TUT4: variants seen among roughly 807,000 people sequenced by gnomAD.
The protein encoded by TUT4 is terminal uridylyltransferase 4.
A neutral mutation model predicts 192.2 loss-of-function variants in TUT4; 36 were observed. The ratio of observed to expected loss-of-function variants is 0.19; its 90% CI spans 0.14 to 0.25. TUT4 has a LOEUF of 0.25. Ranked by LOEUF, TUT4 falls within the 10% of genes least tolerant of loss-of-function variation. The probability of loss-of-function intolerance (pLI) is 1.00; values close to 1 mark genes in which losing one functional copy is unlikely to be tolerated. For missense variants in TUT4, 1,493 were observed against 1,957.2 expected (o/e 0.76, Z 4.47); for synonymous variants, 618 against 666.0 (o/e 0.93, Z 1.11).
intron 16 of TUT4, chr1:52,462,246 T>TGCTATCTCG (rs1662800842): frequency 6.8e-6 from 1 of 147,026 alleles, no homozygotes; most frequent in African/African-American, 2.6e-5. Flanking sequence ...AGTGCAGTGG[T>TGCTATCTCG]GCTATCTCGG....
intron 15 of TUT4, 112 bp downstream of exon 15, chr1:52,468,069 C>A: frequency 1.3e-6 from 1 of 760,826 alleles, no homozygotes; most frequent in Non-Finnish European, 2.1e-6. Context: ...GTATTCCCAG[C>A]AACTAGAACA....
At chr1:52,463,356 A>G (rs1344568552) in intron 16 of TUT4, 1 of 997,010 alleles carries the variant, frequency 1.0e-6, no homozygotes, top group Non-Finnish European at 1.2e-6. Flanking sequence ...AGGAGAACAA[A>G]TAAAATACTT....
At position 52,543,544 on chromosome 1, in the gene TUT4, C is replaced by T. The variant is rs188054374; in HGVS notation, c.-94+9387G>A. Among the ~76,000 whole-genome samples the T allele has an allele frequency of 1.5e-3, 224 of 147,520 alleles. 2 individuals are homozygous for T. The highest frequency in any genetic ancestry group is 5.1e-3 in the African/African-American group (201 of 39,686). On this transcript the variant is annotated intron_variant, in intron 1 of 29. Transcript: ENST00000257177. ...TCTCTCCCAGACTGGAGTGCAATGG[C>T]GCAATCTCAGCTCACTGCAACCTCC... is the stretch of plus-strand genomic sequence containing the variant.
rs1055059863 is a variant in TUT4, at chr1:52,444,351, C to T, written c.3822+1436G>A. Among the ~76,000 whole-genome samples the T allele has an allele frequency of 3.9e-5, 6 of 152,080 alleles. No individual in the cohort carries two copies. The South Asian group carries it at 1.2e-3, about 32-fold the overall frequency. ...TTTCTCCATTTTAATTATTATTACC[C>T]CATAAGAGGCTAGAAAATAAAAGTA... On this transcript the variant is annotated intron_variant, in intron 24 of 29. Coordinates refer to ENST00000257177, the MANE Select transcript of TUT4 (RefSeq NM_001009881.3).
At chr1:52,542,261 A>G (rs1488851089) in intron 1 of TUT4, among the ~76,000 whole-genome samples, 2 of 152,208 alleles carry the variant, frequency 1.3e-5, no homozygotes, top group African/African-American at 4.8e-5. Context: ...TGTTCTGGAA[A>G]TGGATGGTGG....
Position 52,471,936 on chromosome 1 carries a change from G to A in TUT4, c.2878+16C>T, listed in dbSNP as rs772809578. 4 of 1,603,042 alleles carry A rather than the reference G, an allele frequency of 2.5e-6. No individual in the cohort carries two copies. The highest frequency in any genetic ancestry group is 1.7e-4 in the Middle Eastern group (1 of 6,020). On this transcript the variant is annotated intron_variant, in intron 14 of 29. Transcript: ENST00000257177. ...AAGGAATCTAGTCCCAATAGTTGTAGTAATGAAAGACTTACCAAAACATCT... is the reference window on the plus strand; with the variant it reads ...AAGGAATCTAGTCCCAATAGTTGTAATAATGAAAGACTTACCAAAACATCT...
At chr1:52,499,894 A>C (rs1673606358) in intron 4 of TUT4, among the ~76,000 whole-genome samples, 2 of 151,802 alleles carry the variant, frequency 1.3e-5, no homozygotes, top group African/African-American at 4.8e-5. Flanking sequence ...AACATGATGA[A>C]ACCCCGTCTC....
intron 1 of TUT4, among the ~76,000 whole-genome samples, chr1:52,528,582 TAAAC>T (rs1197204570): frequency 2.0e-5 from 3 of 152,108 alleles, no homozygotes; most frequent in Non-Finnish European, 4.4e-5. Flanking sequence ...GATCCGTTTC[TAAAC>T]AAACATTAAT....
chr1:52,438,123 A>T, intron 25 of TUT4, 97 bp downstream of exon 25: 2 of 965,542 alleles, frequency 2.1e-6, no homozygotes, highest in East Asian at 2.5e-5. Flanking sequence ...TAAATACCCT[A>T]AACTTTCTCA....
chr1:52,436,778 C>T lies in TUT4; in HGVS notation c.4139G>A (p.Arg1380His), dbSNP rs1457233587. 3 of 1,613,620 alleles carry T rather than the reference C, an allele frequency of 1.9e-6. No individual in the cohort carries two copies. The highest frequency in any genetic ancestry group is 2.2e-5 in the East Asian group (1 of 44,876). The change falls in exon 26 of 30, where the codon CGT (arginine) becomes CAT (histidine). Residue 1380 changes from arginine to histidine, a missense_variant. By Grantham distance (29) the Arg-to-His change is conservative (BLOSUM62 0). Around this residue, in one of 7 missense-constraint regions of TUT4, gnomAD observed 351 missense variants for 397.8 expected, o/e 0.88. Transcript: ENST00000257177. ...RRECPEVKLA[R>H]QRNSSVAAAQ... is the part of the protein sequence containing the mutation. ...ACCTGCCACACTGCTATTCCTCTGA[C>T]GGGCCAGCTTGACCTCTGGGCACTC...
intron 6 of TUT4, 149 bp downstream of exon 6, chr1:52,495,278 T>C (rs1030935217): frequency 2.3e-5 from 10 of 431,918 alleles, no homozygotes; most frequent in African/African-American, 1.4e-4. Context: ...TGAAATCTAA[T>C]AGTAATTTCC....
chr1:52,470,195 A>C (rs1035345876), intron 14 of TUT4, among the ~76,000 whole-genome samples: 1 of 152,178 alleles, frequency 6.6e-6, no homozygotes, highest in Admixed American at 6.5e-5. Context: ...ACAAACAAAA[A>C]AAACCACACA....
intron 2 of TUT4, among the ~76,000 whole-genome samples, chr1:52,517,064 T>C (rs574940356): frequency 3.3e-5 from 5 of 152,344 alleles, no homozygotes; most frequent in African/African-American, 1.2e-4. Flanking sequence ...TTACATATGC[T>C]ACTCCCTTCT....
At chr1:52,509,844 T>G (rs1046975691) in intron 3 of TUT4, 132 bp from the exon 4 acceptor site, 4 of 690,030 alleles carry the variant, frequency 5.8e-6, no homozygotes, top group African/African-American at 5.5e-5. Context: ...TATCCTTTCC[T>G]TCTTCTAAAG....
At chr1:52,460,800 C>T (rs1485057545) in intron 19 of TUT4, among the ~76,000 whole-genome samples, 1 of 152,140 alleles carries the variant, frequency 6.6e-6, no homozygotes, top group East Asian at 1.9e-4. Flanking sequence ...AAAAACTTAT[C>T]ACTAAACTCA....
intron 20 of TUT4, among the ~76,000 whole-genome samples, chr1:52,448,542 T>C (rs891816571): frequency 6.8e-6 from 1 of 146,650 alleles, no homozygotes; most frequent in Non-Finnish European, 1.5e-5. Context: ...TGAGCTGAGA[T>C]TGTGCCACTA....
In TUT4 at chr1:52,477,754, T is replaced by C. The variant is rs1458058221; in HGVS notation, c.1977A>G (p.Leu659=). The C allele has an allele frequency of 2.5e-6, 4 of 1,611,184 alleles. No homozygotes were observed. In the African/African-American group the frequency reaches 5.4e-5, roughly 22 times the overall value. The change falls in exon 12 of 30, where the codon TTA becomes TTG. Residue 659 remains leucine (L), a synonymous_variant. Transcript: ENST00000257177. ...YVICVRIQDI[L]TRENKNWPKR... ...TAGGCCAGTTTTTATTTTCTCTTGT[T>C]AAAATATCTTGTATCCGTACACATA...
At chr1:52,476,788 C>T (rs529416183) in intron 12 of TUT4, among the ~76,000 whole-genome samples, 29 of 152,140 alleles carry the variant, frequency 1.9e-4, no homozygotes, top group Non-Finnish European at 4.0e-4. Flanking sequence ...GTTGAACTCA[C>T]AGTAGAGAAG....
In TUT4 at chr1:52,498,526, G is replaced by A. The variant is rs542047021; in HGVS notation, c.1000-1343C>T. 1.4e-4 allele frequency among the ~76,000 whole-genome samples: 22 copies of A among 152,044 alleles called. 1 individual carries two copies. In the East Asian group the frequency reaches 3.7e-3, roughly 26 times the overall value. On this transcript the variant is annotated intron_variant, in intron 4 of 29. Coordinates refer to ENST00000257177, the MANE Select transcript of TUT4 (RefSeq NM_001009881.3). The stretch of plus-strand genomic sequence containing the variant: ...CCCAAAGTGGTGGGATTACAGGCGT[G>A]AGCCACAGCGCCCGGCCGTTTCACT...
Sources: gnomAD v4.1 joint callset for allele counts (sites outside exome capture counted in the v4.1 genomes callset) on GRCh38, gnomAD v4.1.1 for gene constraint, gnomAD v4.1.1 regional missense constraint, MANE v1.5 for transcripts, NCBI Gene and HGNC (gene_info 2026-07-23, HGNC 2026-07-21) for gene names.